The following GALNT13 variants were observed in gnomAD, a reference collection of about 807,000 sequenced individuals.
GALNT13 encodes UDP-GalNAc:polypeptide N-acetylgalactosaminyltransferase 13.
In GALNT13, 28 loss-of-function variants were observed where a neutral mutation model predicts 64.2. That is an observed-to-expected ratio of 0.44 (90% CI 0.32 to 0.60). GALNT13 has a LOEUF of 0.60. Among genes scored for constraint, GALNT13 ranks in the 20% least tolerant of loss-of-function variants. GALNT13 has a pLI of 0.05. For missense variants in GALNT13, 577 were observed against 669.8 expected (o/e 0.86, Z 1.53); for synonymous variants, 214 against 224.6 (o/e 0.95, Z 0.42).
chr2:154,320,212 C>A (rs1281559437), intron 9 of GALNT13, among the ~76,000 whole-genome samples: 1 of 152,058 alleles, frequency 6.6e-6, no homozygotes, highest in East Asian at 1.9e-4. Flanking sequence ...AAGTTAATGG[C>A]TTACCAATCT....
the GALNT13 span, among the ~76,000 whole-genome samples, chr2:153,391,255 T>C: frequency 5.3e-5 from 8 of 152,176 alleles, no homozygotes; most frequent in African/African-American, 1.9e-4. Flanking sequence ...GACTGCTCTC[T>C]TGAGAATTGG....
intron 7 of GALNT13, among the ~76,000 whole-genome samples, chr2:154,258,393 A>T (rs1321881698): frequency 6.6e-6 from 1 of 152,022 alleles, no homozygotes; most frequent in East Asian, 1.9e-4. Context: ...AATCCCATAA[A>T]TCCTATGGGA....
chr2:153,814,741 C>T, the GALNT13 span, among the ~76,000 whole-genome samples: 3 of 152,314 alleles, frequency 2.0e-5, no homozygotes, highest in East Asian at 5.8e-4. Flanking sequence ...ATGATGCTCC[C>T]TCCAGCCGTT....
chr2:153,969,432 A>G (rs1315488419), intron 3 of GALNT13, among the ~76,000 whole-genome samples: 1 of 152,096 alleles, frequency 6.6e-6, no homozygotes, highest in African/African-American at 2.4e-5. Context: ...ATCTCTATTT[A>G]AACATTTTGT....
At chr2:153,420,816 G>A in the GALNT13 span, 1 of 233,496 alleles carries the variant, frequency 4.3e-6, no homozygotes. Context: ...GGAACAGTTG[G>A]CATAACTCAA....
At chr2:154,358,895 C>G (rs1696903295) in intron 9 of GALNT13, among the ~76,000 whole-genome samples, 1 of 152,072 alleles carries the variant, frequency 6.6e-6, no homozygotes, top group Non-Finnish European at 1.5e-5. Flanking sequence ...AAAACAGAAC[C>G]TGTTTTCAGC....
At chr2:154,195,157 C>G (rs1381450429) in intron 4 of GALNT13, among the ~76,000 whole-genome samples, 1 of 152,018 alleles carries the variant, frequency 6.6e-6, no homozygotes, top group Non-Finnish European at 1.5e-5. Flanking sequence ...TCAGCCCATC[C>G]CACTTGAGAA....
the GALNT13 span, among the ~76,000 whole-genome samples, chr2:153,250,564 A>G: frequency 6.6e-6 from 1 of 152,242 alleles, no homozygotes; most frequent in Non-Finnish European, 1.5e-5. Flanking sequence ...TCATTCTACT[A>G]TAAAGACACA....
intron 3 of GALNT13, among the ~76,000 whole-genome samples, chr2:154,063,398 T>C (rs560803012): frequency 1.4e-4 from 21 of 152,336 alleles, no homozygotes; most frequent in African/African-American, 4.8e-4. Context: ...ACATCTCTTA[T>C]GCCTTCTCTT....
At chr2:153,184,650 A>G in the GALNT13 span, among the ~76,000 whole-genome samples, 1 of 152,074 alleles carries the variant, frequency 6.6e-6, no homozygotes, top group Non-Finnish European at 1.5e-5. Context: ...TTCAGTATCT[A>G]GTTTATTGAG....
At chr2:153,835,113 G>T in the GALNT13 span, among the ~76,000 whole-genome samples, 1 of 151,958 alleles carries the variant, frequency 6.6e-6, no homozygotes, top group East Asian at 1.9e-4. Context: ...TTTCTTTCTA[G>T]TTCTAGACTT....
intron 2 of GALNT13, among the ~76,000 whole-genome samples, chr2:153,936,130 G>A (rs897212987): frequency 1.3e-5 from 2 of 152,170 alleles, no homozygotes; most frequent in African/African-American, 4.8e-5. Context: ...GCAGATTCAA[G>A]TAACCTTGGA....
chr2:153,536,387 G>A, the GALNT13 span, among the ~76,000 whole-genome samples: 1 of 152,114 alleles, frequency 6.6e-6, no homozygotes, highest in Admixed American at 6.5e-5. Context: ...CTGCCTGTCT[G>A]TCCAATCTGG....
chr2:153,990,238 T>A (rs1046476697), intron 3 of GALNT13, among the ~76,000 whole-genome samples: 3 of 152,036 alleles, frequency 2.0e-5, no homozygotes, highest in Non-Finnish European at 4.4e-5. Context: ...GCATTCTGAG[T>A]CAGGCAGCTA....
At position 154,232,990 on chromosome 2, in the gene GALNT13, A is replaced by G. The variant is rs7603559; in HGVS notation, c.312-9040A>G. On this transcript the variant is annotated intron_variant, in intron 4 of 12. Coordinates refer to ENST00000392825, the MANE Select transcript of GALNT13 (RefSeq NM_052917.4). ...AGGAGGCGGAGGTGGCAGTGAATCA[A>G]TATCTTGCCACTGCACTGCAGCATG... Among the ~76,000 whole-genome samples, 98 of 150,122 alleles carry G rather than the reference A, an allele frequency of 6.5e-4. 1 individual carries two copies. The East Asian group carries it at 0.01, about 16-fold the overall frequency.
At chr2:153,564,570 A>G in the GALNT13 span, among the ~76,000 whole-genome samples, 2 of 151,906 alleles carry the variant, frequency 1.3e-5, no homozygotes, top group African/African-American at 4.8e-5. Context: ...ATAAAATTCA[A>G]GTGGGGTCAA....
At chr2:153,920,967 A>G (rs559741536) in intron 2 of GALNT13, among the ~76,000 whole-genome samples, 2 of 152,300 alleles carry the variant, frequency 1.3e-5, no homozygotes, top group South Asian at 4.1e-4. Context: ...TTAAAAAGTC[A>G]AAAAATAGCA....
At position 154,188,288 on chromosome 2, in the gene GALNT13, C is replaced by T. The variant is rs73007745; in HGVS notation, c.311+47783C>T. ...CTGCTTGAACTATATGGACTGAGTA[C>T]AAGGTGTCAACAGTCCCCAAATAAA... On this transcript the variant is annotated intron_variant, in intron 4 of 12. Transcript: ENST00000392825. 1.8e-3 allele frequency among the ~76,000 whole-genome samples: 273 copies of T among 152,088 alleles called. 2 individuals carry two copies. The highest frequency in any genetic ancestry group is 5.8e-3 in the African/African-American group (242 of 41,502).
chr2:153,739,784 A>G, the GALNT13 span, among the ~76,000 whole-genome samples: 1 of 151,426 alleles, frequency 6.6e-6, no homozygotes, highest in Non-Finnish European at 1.5e-5. Context: ...ATTTGGCTAA[A>G]AATTTTTACA....
Sources: gnomAD v4.1 joint callset for allele counts (sites outside exome capture counted in the v4.1 genomes callset) on GRCh38, gnomAD v4.1.1 for gene constraint, MANE v1.5 for transcripts, NCBI Gene and HGNC (gene_info 2026-07-23, HGNC 2026-07-21) for gene names.